MCF2L2: variants seen among roughly 807,000 people sequenced by gnomAD.
The protein encoded by MCF2L2 is probable guanine nucleotide exchange factor MCF2L2.
A neutral mutation model predicts 150.2 loss-of-function variants in MCF2L2; 102 were observed. That is an observed-to-expected ratio of 0.68 (90% CI 0.58 to 0.80). MCF2L2 has a LOEUF of 0.80. Ranked by LOEUF, MCF2L2 falls within the 30% of genes least tolerant of loss-of-function variation. The pLI is 0.00. For synonymous variants in MCF2L2, 465 were observed against 491.3 expected (o/e 0.95, Z 0.71); for missense variants, 1,256 against 1,372.8 (o/e 0.91, Z 1.34).
intron 27 of MCF2L2, among the ~76,000 whole-genome samples, chr3:183,191,550 C>T (rs185719099): frequency 1.3e-5 from 2 of 152,340 alleles, no homozygotes; most frequent in East Asian, 3.9e-4. Context: ...CCTTCCACCA[C>T]CACCGGTTTA....
chr3:183,273,070 A>T (rs1726921865), intron 15 of MCF2L2: 3 of 1,469,586 alleles, frequency 2.0e-6, no homozygotes, highest in Admixed American at 4.9e-5. Context: ...AGTATCTGTA[A>T]ATAAAAGGGT....
chr3:183,195,304 T>A, intron 25 of MCF2L2, 49 bp from the exon 26 acceptor site: 1 of 1,342,254 alleles, frequency 7.5e-7, no homozygotes. Context: ...TAAGCTAATT[T>A]GAATTGATTT....
At chr3:183,414,169 T>C (rs1353011941) in intron 1 of MCF2L2, among the ~76,000 whole-genome samples, 1 of 152,210 alleles carries the variant, frequency 6.6e-6, no homozygotes, top group Non-Finnish European at 1.5e-5. Context: ...CTTCTTTAAA[T>C]GGTTGGTAGA....
At chr3:183,304,924 C>T (rs540605440) in intron 10 of MCF2L2, among the ~76,000 whole-genome samples, 1 of 152,304 alleles carries the variant, frequency 6.6e-6, no homozygotes. Context: ...GCAGACTGAA[C>T]CTAGCACATG....
In MCF2L2 at chr3:183,422,256, T is replaced by C. The variant is rs1225711649; in HGVS notation, c.76+5646A>G. Among the ~76,000 whole-genome samples, 6 of 152,244 alleles carry C rather than the reference T, an allele frequency of 3.9e-5. No homozygotes were observed. In the East Asian group the frequency reaches 1.2e-3, roughly 29 times the overall value. On this transcript the variant is annotated intron_variant, in intron 1 of 29. Transcript: ENST00000328913. ...TCCTCTTAATTTCTTACTCTCAAAA[T>C]CTCCATTGTATTCAAGAGTGCCTTT... is the stretch of plus-strand genomic sequence containing the variant.
chr3:183,264,648 A>T (rs968501056), intron 15 of MCF2L2, among the ~76,000 whole-genome samples: 2 of 152,212 alleles, frequency 1.3e-5, no homozygotes, highest in Non-Finnish European at 2.9e-5. Context: ...TCTTGATTAA[A>T]ACTTCAAAAC....
intron 1 of MCF2L2, among the ~76,000 whole-genome samples, chr3:183,408,187 C>T (rs1378010367): frequency 1.3e-5 from 2 of 152,102 alleles, no homozygotes; most frequent in Non-Finnish European, 2.9e-5. Flanking sequence ...CAACCAAGTG[C>T]AAAAGAAAGG....
chr3:183,207,792 A>C lies in MCF2L2; in HGVS notation c.2528T>G (p.Leu843Arg). ...TGTCCAGACGCTGAAAGGGCCGTGC[A>C]GCAACAGCTTGCCTAGTTTTCCAAT... is the stretch of plus-strand genomic sequence containing the variant. ...DDIGKLGKLL[L>R]HGPFSVWTIH... Residue 843 changes from leucine to arginine, a missense_variant, in exon 23 of 30, where the codon CTG becomes CGG. By Grantham distance (102) the Leu-to-Arg change is moderately radical. Coordinates refer to ENST00000328913, the MANE Select transcript of MCF2L2 (RefSeq NM_015078.4). 6.2e-7 allele frequency: 1 copy of C among 1,614,246 alleles called. No homozygotes were observed. Among genetic ancestry groups the C allele is most frequent in the African/African-American group, 1.3e-5 (1 of 75,080 alleles).
intron 1 of MCF2L2, among the ~76,000 whole-genome samples, chr3:183,395,184 AC>A (rs1714366553): frequency 6.6e-6 from 1 of 152,218 alleles, no homozygotes; most frequent in Non-Finnish European, 1.5e-5. Flanking sequence ...CATAATAAAA[AC>A]TTTATATGTA....
At chr3:183,336,622 TG>T (rs1341586155) in intron 5 of MCF2L2, among the ~76,000 whole-genome samples, 1 of 151,468 alleles carries the variant, frequency 6.6e-6, no homozygotes, top group Non-Finnish European at 1.5e-5. Context: ...CTGAGGTGGG[TG>T]GATCACCTGA....
intron 11 of MCF2L2, chr3:183,298,264 T>C (rs1728641578): frequency 6.6e-6 from 1 of 152,202 alleles, no homozygotes; most frequent in Non-Finnish European, 1.5e-5. Context: ...TTATGCTACC[T>C]GAAGAGTTAT....
intron 22 of MCF2L2, among the ~76,000 whole-genome samples, chr3:183,208,667 T>C (rs1722582583): frequency 1.3e-5 from 2 of 152,184 alleles, no homozygotes; most frequent in Non-Finnish European, 2.9e-5. Flanking sequence ...TTCATTTCCC[T>C]GAATAAAAAC....
chr3:183,383,686 G>A (rs946124681), intron 2 of MCF2L2, among the ~76,000 whole-genome samples: 4 of 152,164 alleles, frequency 2.6e-5, no homozygotes, highest in Admixed American at 1.3e-4. Context: ...AGACATGCAT[G>A]TGGAAATACA....
intron 3 of MCF2L2, chr3:183,379,076 T>C: frequency 2.0e-6 from 1 of 488,940 alleles, no homozygotes; most frequent in South Asian, 3.2e-5. Context: ...GTCCCTCCTG[T>C]GTGCACAAGA....
intron 3 of MCF2L2, chr3:183,378,997 A>C (rs749952425): frequency 2.5e-4 from 68 of 275,532 alleles, no homozygotes; most frequent in Non-Finnish European, 1.5e-4. Context: ...AATGAAAATA[A>C]AGCAATAGCC....
intron 26 of MCF2L2, among the ~76,000 whole-genome samples, chr3:183,194,488 G>T (rs1722015732): frequency 6.6e-6 from 1 of 152,176 alleles, no homozygotes; most frequent in African/African-American, 2.4e-5. Flanking sequence ...CAGCCAGAGG[G>T]GAAGCCGGAG....
intron 6 of MCF2L2, among the ~76,000 whole-genome samples, chr3:183,320,999 C>T (rs1312456465): frequency 6.6e-6 from 1 of 152,162 alleles, no homozygotes; most frequent in East Asian, 1.9e-4. Context: ...GGGAGAGAGA[C>T]AGGTGATGAC....
chr3:183,323,102 G>T, intron 6 of MCF2L2, 133 bp downstream of exon 6: 1 of 586,658 alleles, frequency 1.7e-6, no homozygotes, highest in Non-Finnish European at 3.1e-6. Context: ...CCACCCTGTG[G>T]CTGAGAAATC....
intron 11 of MCF2L2, chr3:183,299,570 G>A (rs60511237): frequency 0.025 from 4,010 of 157,836 alleles, 171 homozygotes; most frequent in South Asian, 0.09. Flanking sequence ...GTAGGTGCTC[G>A]ATACATGGTA....
Sources: allele counts gnomAD v4.1 joint callset (sites outside exome capture counted in the v4.1 genomes callset), GRCh38; gene constraint gnomAD v4.1.1; transcripts MANE v1.5; gene names NCBI Gene and HGNC (gene_info 2026-07-23, HGNC 2026-07-21).